The following HERC4 variants were observed in gnomAD, a reference collection of about 807,000 sequenced individuals.
HERC4 encodes probable E3 ubiquitin-protein ligase HERC4.
A neutral mutation model predicts 124.3 loss-of-function variants in HERC4; 28 were observed. The observed-to-expected ratio is 0.23, with a 90% CI of 0.17 to 0.31. The LOEUF (loss-of-function observed/expected upper bound fraction) is 0.31, where lower values mean the gene tolerates loss of function less well. HERC4 is among the 10% of genes least tolerant of loss of function. The probability of loss-of-function intolerance (pLI) is 1.00; values close to 1 mark genes in which losing one functional copy is unlikely to be tolerated. For missense variants in HERC4, 713 were observed against 1,229.3 expected, an observed-to-expected ratio of 0.58 and a Z score of 6.28; for synonymous variants, 407 against 421.5, an observed-to-expected ratio of 0.97 and a Z score of 0.42.
intron 15 of HERC4, among the ~76,000 whole-genome samples, chr10:67,970,558 C>A (rs1478456523): frequency 6.6e-6 from 1 of 150,916 alleles, no homozygotes; most frequent in Non-Finnish European, 1.5e-5. Flanking sequence ...CACCACTGCA[C>A]TCCACCCTGG....
At chr10:67,974,386 C>T (rs1158837756) in intron 15 of HERC4, among the ~76,000 whole-genome samples, 1 of 152,086 alleles carries the variant, frequency 6.6e-6, no homozygotes, top group Non-Finnish European at 1.5e-5. Flanking sequence ...ACAAACTAAA[C>T]AAAACTAGCT....
chr10:67,992,061 G>A (rs912839870), intron 11 of HERC4, 138 bp downstream of exon 11: 16 of 707,804 alleles, frequency 2.3e-5, no homozygotes, highest in Admixed American at 8.5e-5. Context: ...ACCACGCCCA[G>A]CTAATTGTAT....
intron 5 of HERC4, among the ~76,000 whole-genome samples, chr10:68,036,618 C>T (rs1589386357): frequency 1.3e-5 from 2 of 152,020 alleles, no homozygotes; most frequent in South Asian, 2.1e-4. Context: ...ATGAGTATGT[C>T]TCCCACTCCC....
intron 15 of HERC4, among the ~76,000 whole-genome samples, chr10:67,972,180 C>T (rs2035276506): frequency 7.0e-6 from 1 of 143,810 alleles, no homozygotes; most frequent in South Asian, 2.2e-4. Flanking sequence ...CACCATTGCA[C>T]TCCAGTCTGG....
At chr10:68,013,246 GTATAAA>G (rs2133119711) in intron 9 of HERC4, among the ~76,000 whole-genome samples, 1 of 152,270 alleles carries the variant, frequency 6.6e-6, no homozygotes, top group South Asian at 2.1e-4. Context: ...CTACAATATA[GTATAAA>G]TATAACTTTT....
rs1197701150 is a variant in HERC4, at chr10:67,923,008, T to G, written c.3073A>C (p.Lys1025Gln). 6.2e-7 allele frequency: 1 copy of G among 1,613,684 alleles called. No individual in the cohort carries two copies. Among genetic ancestry groups the G allele is most frequent in the Non-Finnish European group, 8.5e-7 (1 of 1,179,602 alleles). The change falls in exon 25 of 25, where the codon AAA (lysine) becomes CAA (glutamine). Residue 1025 changes from lysine (K) to glutamine (Q), a missense_variant. By Grantham distance (53) the Lys-to-Gln change is moderately conservative (BLOSUM62 1). Coordinates refer to ENST00000373700, the MANE Select transcript of HERC4 (RefSeq NM_015601.4). Reference sequence around the variant, plus strand: ...CGTAGAGTTTCTTTTTCTGTATATTTTGGAAGATCCAGAAGATTAAAACAA... The same window carrying G: ...CGTAGAGTTTCTTTTTCTGTATATTGTGGAAGATCCAGAAGATTAAAACAA... ...HTCFNLLDLPKYTEKETLRSK... is the reference protein window; with the variant it reads ...HTCFNLLDLPQYTEKETLRSK...
intron 15 of HERC4, among the ~76,000 whole-genome samples, chr10:67,973,953 A>T (rs1293786783): frequency 6.6e-6 from 1 of 151,410 alleles, no homozygotes; most frequent in African/African-American, 2.4e-5. Context: ...AGGCTGAGGC[A>T]GAAGAATCAC....
At chr10:68,026,244 C>A (rs2038892329) in intron 7 of HERC4, among the ~76,000 whole-genome samples, 1 of 152,046 alleles carries the variant, frequency 6.6e-6, no homozygotes, top group African/African-American at 2.4e-5. Context: ...TGCAGGCATG[C>A]ACCACCACAT....
At chr10:67,977,992 T>C (rs2035696523) in intron 15 of HERC4, among the ~76,000 whole-genome samples, 2 of 139,638 alleles carry the variant, frequency 1.4e-5, no homozygotes, top group Admixed American at 1.4e-4. Context: ...AAAAAGCCCT[T>C]GGGCTGGGCA....
At chr10:68,045,679 A>G (rs534952446) in intron 3 of HERC4, among the ~76,000 whole-genome samples, 1 of 152,206 alleles carries the variant, frequency 6.6e-6, no homozygotes, top group South Asian at 2.1e-4. Context: ...TAGTATCACA[A>G]GTTTTTTAAA....
At chr10:67,931,393 A>G (rs1564917366) in intron 23 of HERC4, among the ~76,000 whole-genome samples, 1 of 152,232 alleles carries the variant, frequency 6.6e-6, no homozygotes, top group African/African-American at 2.4e-5. Context: ...TTTAAAAATC[A>G]TAACTGCATT....
At chr10:68,010,025 C>T (rs974152892) in intron 9 of HERC4, among the ~76,000 whole-genome samples, 1 of 152,030 alleles carries the variant, frequency 6.6e-6, no homozygotes, top group Non-Finnish European at 1.5e-5. Context: ...AGAGCATCAC[C>T]GAACTTCACC....
At chr10:67,981,348 T>C (rs2035917311) in intron 15 of HERC4, among the ~76,000 whole-genome samples, 1 of 152,204 alleles carries the variant, frequency 6.6e-6, no homozygotes, top group Non-Finnish European at 1.5e-5. Context: ...ATTGTAAACA[T>C]ATATGCACCC....
intron 7 of HERC4, among the ~76,000 whole-genome samples, chr10:68,032,491 A>T (rs2039259909): frequency 6.6e-6 from 1 of 152,242 alleles, no homozygotes; most frequent in Non-Finnish European, 1.5e-5. Flanking sequence ...GAATAATTTT[A>T]TTCAAAGTAT....
chr10:68,036,672 C>G (rs753478593), intron 5 of HERC4, among the ~76,000 whole-genome samples: 5 of 152,128 alleles, frequency 3.3e-5, no homozygotes, highest in Non-Finnish European at 5.9e-5. Flanking sequence ...TCAAATACAC[C>G]ACTTTCTTAA....
At chr10:68,069,206 G>C (rs1351920795) in intron 3 of HERC4, 1 of 961,362 alleles carries the variant, frequency 1.0e-6, no homozygotes, top group Non-Finnish European at 1.2e-6. Flanking sequence ...AACTGAATTT[G>C]AAAGTATAAA....
intron 24 of HERC4, among the ~76,000 whole-genome samples, chr10:67,924,287 G>A (rs186885344): frequency 2.6e-5 from 4 of 152,094 alleles, no homozygotes; most frequent in African/African-American, 9.7e-5. Context: ...TTAATAACAT[G>A]TACATTCATG....
intron 15 of HERC4, among the ~76,000 whole-genome samples, chr10:67,974,981 G>A (rs2035494203): frequency 6.6e-6 from 1 of 152,088 alleles, no homozygotes; most frequent in Admixed American, 6.6e-5. Flanking sequence ...ATGAGGTCAG[G>A]AGTTCGAGAC....
chr10:68,074,476 G>A (rs1436773290), intron 1 of HERC4, among the ~76,000 whole-genome samples: 2 of 152,058 alleles, frequency 1.3e-5, no homozygotes, highest in African/African-American at 4.8e-5. Flanking sequence ...AGTAATACAG[G>A]AAAATACCCC....
Sources: allele counts gnomAD v4.1 joint callset (sites outside exome capture counted in the v4.1 genomes callset), GRCh38; gene constraint gnomAD v4.1.1; transcripts MANE v1.5; gene names NCBI Gene and HGNC (gene_info 2026-07-23, HGNC 2026-07-21).